The following REDIC1 variants were observed in gnomAD, a reference collection of about 807,000 sequenced individuals.
REDIC1 encodes HEI10 Interacting Protein 1.
chr12:39,831,473 A>G, the REDIC1 span, among the ~76,000 whole-genome samples: 1 of 152,208 alleles, frequency 6.6e-6, no homozygotes, highest in Non-Finnish European at 1.5e-5. Context: ...CAAAAGACAT[A>G]CAAGTTGTCT....
At chr12:39,739,322 A>T in the REDIC1 span, among the ~76,000 whole-genome samples, 1 of 152,182 alleles carries the variant, frequency 6.6e-6, no homozygotes, top group Non-Finnish European at 1.5e-5. Context: ...CCCCTTTCTC[A>T]ATGAGTTTTT....
At chr12:39,831,136 G>A in the REDIC1 span, among the ~76,000 whole-genome samples, 7 of 152,154 alleles carry the variant, frequency 4.6e-5, no homozygotes, top group Non-Finnish European at 1.0e-4. Context: ...AGATGAATAA[G>A]CCCAAATCTC....
At chr12:39,727,068 C>A in the REDIC1 span, among the ~76,000 whole-genome samples, 2 of 152,090 alleles carry the variant, frequency 1.3e-5, no homozygotes, top group Admixed American at 6.5e-5. Flanking sequence ...GATATTAGCC[C>A]TTTGTCAGAT....
chr12:39,854,824 C>T, the REDIC1 span, among the ~76,000 whole-genome samples: 3 of 152,150 alleles, frequency 2.0e-5, no homozygotes, highest in South Asian at 4.1e-4. Context: ...AAGGGCAAAT[C>T]TGTTTTCCGC....
At chr12:39,846,078 C>T in the REDIC1 span, among the ~76,000 whole-genome samples, 5 of 152,020 alleles carry the variant, frequency 3.3e-5, no homozygotes, top group East Asian at 1.9e-4. Context: ...GTAACAGAGG[C>T]CTTAAAAACA....
chr12:39,886,668 G>T, the REDIC1 span, among the ~76,000 whole-genome samples: 2 of 152,156 alleles, frequency 1.3e-5, no homozygotes, highest in African/African-American at 4.8e-5. Context: ...TAAGTGTGTA[G>T]AATTGGTTTT....
the REDIC1 span, chr12:39,736,845 C>T: frequency 6.6e-6 from 1 of 152,198 alleles, no homozygotes; most frequent in Non-Finnish European, 1.5e-5. Context: ...CTTTCCCAGC[C>T]CCAGCGTTTT....
the REDIC1 span, among the ~76,000 whole-genome samples, chr12:39,824,530 G>A: frequency 6.6e-6 from 1 of 152,138 alleles, no homozygotes; most frequent in Non-Finnish European, 1.5e-5. Context: ...ATTCATAAAA[G>A]GAGGTTAAGC....
the REDIC1 span, chr12:39,759,864 A>G: frequency 1.7e-6 from 1 of 579,320 alleles, no homozygotes. Context: ...AAAAAAAGTC[A>G]TCATGGTTGT....
At chr12:39,671,720 T>G in the REDIC1 span, among the ~76,000 whole-genome samples, 1 of 151,970 alleles carries the variant, frequency 6.6e-6, no homozygotes, top group Non-Finnish European at 1.5e-5. Context: ...GGTGTGTGTG[T>G]GTGGGTGCTG....
the REDIC1 span, among the ~76,000 whole-genome samples, chr12:39,905,825 A>AAAAG: frequency 6.6e-6 from 1 of 151,484 alleles, no homozygotes; most frequent in Non-Finnish European, 1.5e-5. Flanking sequence ...ATGCCCAGAA[A>AAAAG]AAAAAAAAAA....
At chr12:39,801,908 G>T in the REDIC1 span, among the ~76,000 whole-genome samples, 1 of 152,142 alleles carries the variant, frequency 6.6e-6, no homozygotes, top group African/African-American at 2.4e-5. Flanking sequence ...TATTGAACCA[G>T]GCACCATTCT....
the REDIC1 span, among the ~76,000 whole-genome samples, chr12:39,667,954 G>A: frequency 9.9e-5 from 15 of 152,224 alleles, no homozygotes; most frequent in Admixed American, 5.9e-4. Flanking sequence ...TTGGGCCTAT[G>A]TGTGTCTCTG....
the REDIC1 span, chr12:39,646,851 A>G: frequency 1.3e-6 from 2 of 1,598,524 alleles, no homozygotes; most frequent in Non-Finnish European, 1.7e-6. Flanking sequence ...GTAAACTGTC[A>G]AAGACTAAGT....
the REDIC1 span, among the ~76,000 whole-genome samples, chr12:39,673,177 C>T: frequency 6.6e-6 from 1 of 152,250 alleles, no homozygotes; most frequent in East Asian, 1.9e-4. Context: ...CCTGTCACTT[C>T]TATGTTGAAT....
At chr12:39,898,519 A>T in the REDIC1 span, among the ~76,000 whole-genome samples, 3 of 152,160 alleles carry the variant, frequency 2.0e-5, no homozygotes, top group Non-Finnish European at 4.4e-5. Context: ...TCTATCATTG[A>T]ACAGATTACT....
At chr12:39,714,710 T>C in the REDIC1 span, among the ~76,000 whole-genome samples, 1 of 151,684 alleles carries the variant, frequency 6.6e-6, no homozygotes. Context: ...TGTTCACCAC[T>C]CCCATACCAA....
the REDIC1 span, among the ~76,000 whole-genome samples, chr12:39,642,237 T>C: frequency 3.3e-5 from 5 of 151,910 alleles, no homozygotes; most frequent in South Asian, 8.3e-4. Flanking sequence ...TTAGAGGCTA[T>C]TATGATGGCT....
chr12:39,765,185 T>C, the REDIC1 span, among the ~76,000 whole-genome samples: 1 of 152,058 alleles, frequency 6.6e-6, no homozygotes, highest in Non-Finnish European at 1.5e-5. Context: ...GAAAAGACCA[T>C]GGCATTTGCA....
Sources: allele counts gnomAD v4.1 joint callset (sites outside exome capture counted in the v4.1 genomes callset), GRCh38; gene constraint gnomAD v4.1.1; transcripts MANE v1.5; gene names NCBI Gene and HGNC (gene_info 2026-07-23, HGNC 2026-07-21).